Variants in EIF5B observed in about 807,000 individuals in gnomAD.
EIF5B encodes the protein eIF-5B.
Under a neutral mutation model 147.5 loss-of-function variants are expected in EIF5B, and 47 were observed. That is an observed-to-expected ratio of 0.32 (90% CI 0.25 to 0.41). The LOEUF (loss-of-function observed/expected upper bound fraction) is 0.41. Among genes scored for constraint, EIF5B ranks in the 10% least tolerant of loss-of-function variants. EIF5B has a pLI of 1.00. For synonymous variants in EIF5B, 455 were observed against 456.2 expected (o/e 1.00, Z 0.03); for missense variants, 1,064 against 1,413.2 (o/e 0.75, Z 3.96).
At chr2:99,361,092 G>A (rs745804452) in intron 3 of EIF5B, 56 bp from the exon 4 acceptor site, 2 of 1,368,484 alleles carry the variant, frequency 1.5e-6, no homozygotes, top group Non-Finnish European at 1.9e-6. Context: ...TGAAGCACAT[G>A]ACTCTGGTCT....
chr2:99,368,010 C>G (rs1383209461), intron 6 of EIF5B, among the ~76,000 whole-genome samples: 2 of 152,136 alleles, frequency 1.3e-5, no homozygotes, highest in Non-Finnish European at 1.5e-5. Flanking sequence ...ACTGATATAT[C>G]CATACAATGG....
At chr2:99,369,322 C>T (rs1264101043) in intron 7 of EIF5B, 70 bp from the exon 8 acceptor site, 3 of 1,223,512 alleles carry the variant, frequency 2.5e-6, no homozygotes, top group Non-Finnish European at 3.5e-6. Flanking sequence ...TTATTCAGTA[C>T]TTAATGGAGT....
At chr2:99,345,865 C>G (rs12475673) in intron 1 of EIF5B, among the ~76,000 whole-genome samples, 19 of 151,038 alleles carry the variant, frequency 1.3e-4, no homozygotes, top group African/African-American at 3.4e-4. Context: ...ATTGCTGGAG[C>G]CTTGGGAGGT....
At chr2:99,376,017 A>G (rs184462061) in intron 9 of EIF5B, among the ~76,000 whole-genome samples, 79 of 152,340 alleles carry the variant, frequency 5.2e-4, no homozygotes, top group South Asian at 1.0e-3. Context: ...TGGTCCAGGC[A>G]TTATCTCCTC....
chr2:99,350,056 A>G (rs549929291), intron 1 of EIF5B, among the ~76,000 whole-genome samples: 38 of 152,280 alleles, frequency 2.5e-4, no homozygotes, highest in African/African-American at 9.1e-4. Flanking sequence ...GTCTTTCCAT[A>G]TATGGCATCT....
intron 17 of EIF5B, 41 bp downstream of exon 17, chr2:99,390,746 CAG>C: frequency 1.9e-6 from 3 of 1,568,702 alleles, no homozygotes; most frequent in Non-Finnish European, 2.6e-6. Flanking sequence ...GGGACTTGTA[CAG>C]TGTTTAGAAG....
chr2:99,351,336 A>G (rs559703471), intron 1 of EIF5B, among the ~76,000 whole-genome samples: 20 of 152,308 alleles, frequency 1.3e-4, no homozygotes, highest in East Asian at 5.8e-4. Flanking sequence ...ATATATGACA[A>G]TCTGTTTATA....
intron 3 of EIF5B, 92 bp downstream of exon 3, chr2:99,360,641 A>C: frequency 8.1e-7 from 1 of 1,233,684 alleles, no homozygotes; most frequent in Non-Finnish European, 1.1e-6. Context: ...GAAACTTTTG[A>C]GCAGTGTACA....
chr2:99,390,224 G>A lies in EIF5B; in HGVS notation c.2409G>A (p.Leu803=), dbSNP rs187135905. 5.6e-6 allele frequency: 9 copies of A among 1,613,964 alleles called. No homozygotes were observed. The African/African-American group carries it at 1.1e-4, about 19-fold the overall frequency. The change falls in exon 16 of 24, where the codon TTG becomes TTA. Residue 803 remains leucine, a synonymous_variant. Coordinates refer to ENST00000289371, the MANE Select transcript of EIF5B (RefSeq NM_015904.4). ...TGGATGATTTTTGCTCCTAGGGTTT[G>A]AATGCTGCTTTGTTTTATGAGAATA... ...AIIVEFAQQG[L]NAALFYENKD...
intron 12 of EIF5B, among the ~76,000 whole-genome samples, chr2:99,381,180 A>G (rs1316171566): frequency 6.6e-6 from 1 of 152,150 alleles, no homozygotes; most frequent in Admixed American, 6.5e-5. Context: ...TTTAAACAGT[A>G]TTTCTATGTT....
At chr2:99,350,507 C>T (rs1246432015) in intron 1 of EIF5B, among the ~76,000 whole-genome samples, 1 of 152,054 alleles carries the variant, frequency 6.6e-6, no homozygotes, top group African/African-American at 2.4e-5. Flanking sequence ...TTTTGATTTG[C>T]ATTTCCCTGA....
At chr2:99,396,333 A>G (rs568150500) in intron 21 of EIF5B, among the ~76,000 whole-genome samples, 19 of 152,292 alleles carry the variant, frequency 1.2e-4, no homozygotes, top group African/African-American at 4.6e-4. Flanking sequence ...GGGTGATAAT[A>G]CGGTCTGATG....
rs546008407 is a variant in EIF5B, at chr2:99,385,700, A to G, written c.2271+2779A>G. ...GTGTGGCTTGCTTTATTGTAGTATT[A>G]GCTTTACTGCAGTTGTCTGAAACCA... On this transcript the variant is annotated intron_variant, in intron 14 of 23. Transcript: ENST00000289371. Among the ~76,000 whole-genome samples, 4 of 152,350 alleles carry G rather than the reference A, an allele frequency of 2.6e-5. 1 individual carries two copies. The South Asian group carries it at 8.3e-4, about 32-fold the overall frequency.
At chr2:99,383,191 A>G (rs1456483707) in intron 14 of EIF5B, among the ~76,000 whole-genome samples, 1 of 151,892 alleles carries the variant, frequency 6.6e-6, no homozygotes, top group African/African-American at 2.4e-5. Flanking sequence ...TTCTTGTCAC[A>G]TTTTGTTAAT....
Position 99,400,235 on chromosome 2 carries a change from A to T in EIF5B, c.*821A>T, listed in dbSNP as rs1675196563. 1 of 151,060 alleles carries T rather than the reference A, an allele frequency of 6.6e-6. No individual in the cohort carries two copies. The highest frequency in any genetic ancestry group is 1.5e-5 in the Non-Finnish European group (1 of 67,964). The allele number at this position is 151,060 out of a possible 1,614,324, so 9.4% of individuals were successfully genotyped here. ...TTAATCTTGATCTGTTTTAATCTTG[A>T]TCTGTTTTAGTAGAGATTTTTATAC... On this transcript the variant is annotated 3_prime_UTR_variant, in exon 24 of 24. Transcript: ENST00000289371.
At chr2:99,364,102 TATTA>T (rs568014964) in intron 5 of EIF5B, among the ~76,000 whole-genome samples, 165 bp from the exon 6 acceptor site, 44 of 152,356 alleles carry the variant, frequency 2.9e-4, no homozygotes, top group African/African-American at 1.0e-3. Flanking sequence ...TCTGATGTGA[TATTA>T]ATTAATAATC....
At chr2:99,383,362 G>A (rs992193773) in intron 14 of EIF5B, among the ~76,000 whole-genome samples, 6 of 152,120 alleles carry the variant, frequency 3.9e-5, no homozygotes, top group African/African-American at 1.4e-4. Context: ...CCAGCAACCA[G>A]CTGTTCCCTT....
At chr2:99,349,194 A>C (rs1264147783) in intron 1 of EIF5B, among the ~76,000 whole-genome samples, 2 of 152,248 alleles carry the variant, frequency 1.3e-5, no homozygotes, top group African/African-American at 4.8e-5. Flanking sequence ...CCACCTCTCA[A>C]AGAGTGTCAG....
chr2:99,376,624 A>G lies in EIF5B; in HGVS notation c.1830A>G (p.Lys610=). 6 of 1,601,996 alleles carry G rather than the reference A, an allele frequency of 3.7e-6. No individual in the cohort carries two copies. Among genetic ancestry groups the G allele is most frequent in the Non-Finnish European group, 5.1e-6 (6 of 1,175,420 alleles). The change falls in exon 10 of 24, where the codon AAA becomes AAG. Residue 610 remains lysine, a synonymous_variant. Transcript: ENST00000289371. ...AAGAAAGGGCTTATGACAAAGCAAA[A>G]CGGAGGATTGAGGTATTTATTTTAC... ...TKEERAYDKA[K]RRIEKRRLEH... is the part of the protein sequence containing the mutation.
Sources: allele counts gnomAD v4.1 joint callset (sites outside exome capture counted in the v4.1 genomes callset), GRCh38; gene constraint gnomAD v4.1.1; transcripts MANE v1.5; gene names NCBI Gene and HGNC (gene_info 2026-07-23, HGNC 2026-07-21).